DLGAP2: variants seen among roughly 807,000 people sequenced by gnomAD.
DLGAP2 encodes DLG associated protein 2.
A neutral mutation model predicts 100.3 loss-of-function variants in DLGAP2; 26 were observed. That is an observed-to-expected ratio of 0.26 (90% CI 0.19 to 0.36). The LOEUF (loss-of-function observed/expected upper bound fraction) is 0.36, where lower values mean the gene tolerates loss of function less well. Ranked by LOEUF, DLGAP2 falls within the 10% of genes least tolerant of loss-of-function variation. DLGAP2 has a pLI of 1.00. For missense variants in DLGAP2, 1,858 were observed against 1,453.2 expected (o/e 1.28, Z -4.53); for synonymous variants, 886 against 630.1 (o/e 1.41, Z -6.08).
chr8:1,041,894 A>G (rs905052189), intron 2 of DLGAP2, among the ~76,000 whole-genome samples: 2 of 152,180 alleles, frequency 1.3e-5, no homozygotes, highest in Non-Finnish European at 2.9e-5. Flanking sequence ...ATGCGGAAGA[A>G]TGTCGGGTAA....
At chr8:1,505,416 A>G (rs1799872252) in intron 4 of DLGAP2, among the ~76,000 whole-genome samples, 1 of 152,236 alleles carries the variant, frequency 6.6e-6, no homozygotes, top group Non-Finnish European at 1.5e-5. Flanking sequence ...AGTCTTCAAA[A>G]GCTCCAAGGA....
chr8:799,518 T>C (rs948208886), intron 1 of DLGAP2, among the ~76,000 whole-genome samples: 2 of 152,228 alleles, frequency 1.3e-5, no homozygotes, highest in African/African-American at 4.8e-5. Flanking sequence ...TGGCTCTGTG[T>C]ACCTAACAGC....
chr8:1,456,951 C>G (rs1375544272), intron 3 of DLGAP2, among the ~76,000 whole-genome samples: 1 of 152,228 alleles, frequency 6.6e-6, no homozygotes, highest in Non-Finnish European at 1.5e-5. Flanking sequence ...CAACACATCA[C>G]AGCACACTAA....
intron 4 of DLGAP2, among the ~76,000 whole-genome samples, chr8:1,528,379 G>A (rs535422736): frequency 2.0e-5 from 3 of 152,248 alleles, no homozygotes; most frequent in Non-Finnish European, 4.4e-5. Flanking sequence ...TGCCAGGGAT[G>A]AGGGCAGAGG....
At chr8:1,215,041 A>G (rs895940247) in intron 2 of DLGAP2, among the ~76,000 whole-genome samples, 10 of 152,322 alleles carry the variant, frequency 6.6e-5, no homozygotes, top group South Asian at 2.1e-4. Context: ...TGGAAATAGT[A>G]TAAGAACACA....
chr8:779,251 A>C (rs1367271534), intron 1 of DLGAP2, among the ~76,000 whole-genome samples: 1 of 152,072 alleles, frequency 6.6e-6, no homozygotes, highest in Non-Finnish European at 1.5e-5. Context: ...GGCCCTCCCT[A>C]GTGAGATGAA....
chr8:1,139,206 C>T (rs1054195217), intron 2 of DLGAP2, among the ~76,000 whole-genome samples: 11 of 152,052 alleles, frequency 7.2e-5, no homozygotes, highest in East Asian at 5.8e-4. Flanking sequence ...GTGCACAGGG[C>T]GGGGGGAGCT....
intron 2 of DLGAP2, among the ~76,000 whole-genome samples, chr8:910,157 C>A (rs767257201): frequency 5.9e-5 from 9 of 152,222 alleles, no homozygotes; most frequent in Non-Finnish European, 1.3e-4. Flanking sequence ...GCTTAGGCAG[C>A]ATCACCATGG....
intron 1 of DLGAP2, chr8:739,951 C>T (rs1007475131): frequency 3.3e-5 from 5 of 152,232 alleles, no homozygotes; most frequent in African/African-American, 9.6e-5. Context: ...GAGGCATCTT[C>T]ACCGCGGCAG....
chr8:879,167 G>T (rs979452547), intron 1 of DLGAP2, among the ~76,000 whole-genome samples: 53 of 152,226 alleles, frequency 3.5e-4, no homozygotes, highest in African/African-American at 1.2e-3. Flanking sequence ...GGATGTGTCA[G>T]TTTGGGTTGG....
At chr8:911,449 G>T (rs1798482741) in intron 2 of DLGAP2, among the ~76,000 whole-genome samples, 1 of 152,150 alleles carries the variant, frequency 6.6e-6, no homozygotes, top group African/African-American at 2.4e-5. Context: ...TATAATGTAT[G>T]TTGGAAGGAT....
intron 3 of DLGAP2, among the ~76,000 whole-genome samples, chr8:1,430,476 C>G (rs1055805751): frequency 6.6e-6 from 1 of 152,134 alleles, no homozygotes; most frequent in Admixed American, 6.5e-5. Flanking sequence ...GGTCTTCTAG[C>G]AGAAGAAGCC....
At chr8:1,081,390 C>T (rs1309385529) in intron 2 of DLGAP2, among the ~76,000 whole-genome samples, 1 of 152,216 alleles carries the variant, frequency 6.6e-6, no homozygotes, top group Non-Finnish European at 1.5e-5. Context: ...CTTGCTCTGT[C>T]GCCCAGGTTG....
intron 3 of DLGAP2, among the ~76,000 whole-genome samples, chr8:1,271,435 T>C (rs1799581227): frequency 6.6e-6 from 1 of 152,206 alleles, no homozygotes; most frequent in Non-Finnish European, 1.5e-5. Context: ...ATGAACCTCC[T>C]TGTGCATTTG....
rs143858268 is a variant in DLGAP2, at chr8:854,831, G to T, written c.19-53081G>T. 1.6e-3 allele frequency among the ~76,000 whole-genome samples: 249 copies of T among 152,324 alleles called. 1 individual carries two copies. The highest frequency in any genetic ancestry group is 5.8e-3 in the African/African-American group (241 of 41,566). ...CTTCAGGATGAGGTCCCTGAGATGC[G>T]ATGAAGCTCTGGAGAAAAGCTTCCC... On this transcript the variant is annotated intron_variant, in intron 1 of 14. Transcript: ENST00000637795.
At chr8:1,229,487 C>T (rs529233996) in intron 2 of DLGAP2, among the ~76,000 whole-genome samples, 2 of 152,180 alleles carry the variant, frequency 1.3e-5, no homozygotes, top group South Asian at 2.1e-4. Flanking sequence ...TCTACTTCCT[C>T]TAGATTTTCT....
At chr8:1,332,395 G>C (rs1201102175) in intron 3 of DLGAP2, among the ~76,000 whole-genome samples, 4 of 152,064 alleles carry the variant, frequency 2.6e-5, no homozygotes, top group Non-Finnish European at 5.9e-5. Context: ...GTTAGTGTGT[G>C]TCTGCATGTG....
chr8:1,091,810 C>A (rs1804191907), intron 2 of DLGAP2, among the ~76,000 whole-genome samples: 1 of 151,774 alleles, frequency 6.6e-6, no homozygotes, highest in South Asian at 2.1e-4. Context: ...CCCTCCGCAG[C>A]CCCTGTAATT....
intron 3 of DLGAP2, among the ~76,000 whole-genome samples, chr8:1,310,605 T>A (rs1800591705): frequency 6.6e-6 from 1 of 152,178 alleles, no homozygotes; most frequent in Non-Finnish European, 1.5e-5. Context: ...AAAAGACAGG[T>A]CTCAATAAAT....
Sources: allele counts gnomAD v4.1 joint callset (sites outside exome capture counted in the v4.1 genomes callset), GRCh38; gene constraint gnomAD v4.1.1; transcripts MANE v1.5; gene names NCBI Gene and HGNC (gene_info 2026-07-23, HGNC 2026-07-21).